The following SRSF6 variants were observed in gnomAD, a reference collection of about 807,000 sequenced individuals.
SRSF6 encodes serine and arginine rich splicing factor 6.
A neutral mutation model predicts 42.0 loss-of-function variants in SRSF6; 17 were observed. The ratio of observed to expected loss-of-function variants is 0.40; its 90% CI spans 0.28 to 0.61. The LOEUF is 0.61. SRSF6 is among the 20% of genes least tolerant of loss of function. SRSF6 has a pLI of 0.37. For missense variants in SRSF6, 379 were observed against 471.4 expected, an observed-to-expected ratio of 0.80 and a Z score of 1.81; for synonymous variants, 204 against 166.7, an observed-to-expected ratio of 1.22 and a Z score of -1.72.
chr20:43,460,250 T>C lies in SRSF6; in HGVS notation c.590+9T>C, dbSNP rs779582552. 12 of 1,613,728 alleles carry C rather than the reference T, an allele frequency of 7.4e-6. No homozygotes were observed. The East Asian group carries it at 2.7e-4, about 36-fold the overall frequency. The stretch of plus-strand genomic sequence containing the variant: ...TCTGGAAGCAGATCCAGGTAACTTG[T>C]TGAAGGACACTGTGGGAAGGAAACA... On this transcript the variant is annotated intron_variant, in intron 4 of 5. Coordinates refer to ENST00000244020, the MANE Select transcript of SRSF6 (RefSeq NM_006275.6).
chr20:43,464,152 G>A lies in SRSF6; in HGVS notation c.*3089G>A, dbSNP rs2017648666. 1 of 152,160 alleles carries A rather than the reference G, an allele frequency of 6.6e-6. No individual in the cohort carries two copies. The highest frequency in any genetic ancestry group is 1.5e-5 in the Non-Finnish European group (1 of 68,034). 9.4% of individuals were successfully genotyped at this position (152,160 alleles called of 1,614,324 possible). A position where few individuals can be genotyped will look rare whatever the true frequency, so the allele number is the denominator to read the frequency against. ...GATAAATTTTTTTTCAGAACCAACA[G>A]TGTGAATAATCCTTTCAGTTGTCTA... On this transcript the variant is annotated 3_prime_UTR_variant, in exon 6 of 6. Transcript: ENST00000244020.
chr20:43,461,068 G>A lies in SRSF6; in HGVS notation c.*5G>A. 3 of 1,555,874 alleles carry A rather than the reference G, an allele frequency of 1.9e-6. No individual in the cohort carries two copies. The highest frequency in any genetic ancestry group is 2.6e-6 in the Non-Finnish European group (3 of 1,153,570). ...AGGTCGAGTTCCAGAGATTAACTCAGAACTCCTTGTTTGCACATTATTATG... is the reference window on the plus strand; with the variant it reads ...AGGTCGAGTTCCAGAGATTAACTCAAAACTCCTTGTTTGCACATTATTATG... On this transcript the variant is annotated 3_prime_UTR_variant, in exon 6 of 6. Transcript: ENST00000244020.
Position 43,464,039 on chromosome 20 carries a change from C to G in SRSF6, c.*2976C>G, listed in dbSNP as rs2017647140. 6.6e-6 allele frequency: 1 copy of G among 152,166 alleles called. No homozygotes were observed. Among genetic ancestry groups the G allele is most frequent in the African/African-American group, 2.4e-5 (1 of 41,438 alleles). 9.4% of individuals were successfully genotyped at this position (152,166 alleles called of 1,614,324 possible). A position where few individuals can be genotyped will look rare whatever the true frequency, so the allele number is the denominator to read the frequency against. On this transcript the variant is annotated 3_prime_UTR_variant, in exon 6 of 6. Coordinates refer to ENST00000244020, the MANE Select transcript of SRSF6 (RefSeq NM_006275.6). ...TTTTTAGGTTTTCAGTGTTCATGCC[C>G]TGAGTAGTAGTCTGCAGTTTGCTTT...
intron 2 of SRSF6, 131 bp from the exon 3 acceptor site, chr20:43,459,640 C>G (rs553200013): frequency 1.1e-3 from 1,645 of 1,445,130 alleles, no homozygotes; most frequent in Non-Finnish European, 1.5e-3. Flanking sequence ...ACAAATGTGT[C>G]GAAGGTTTAG....
rs890258309 is a variant in SRSF6 at position 43,463,497 on chromosome 20, G to A, written c.*2434G>A. 5 of 152,994 alleles carry A rather than the reference G, an allele frequency of 3.3e-5. No homozygotes were observed. The highest frequency in any genetic ancestry group is 1.2e-4 in the African/African-American group (5 of 41,460). The allele number at this position is 152,994 out of a possible 1,614,324, so 9.5% of individuals were successfully genotyped here. ...CGTAGTGCCTTTATGGCCAGTTTGA[G>A]TCCTGCCTACTTTGACTTTTACGTT... is the stretch of plus-strand genomic sequence containing the variant. On this transcript the variant is annotated 3_prime_UTR_variant, in exon 6 of 6. Coordinates refer to ENST00000244020, the MANE Select transcript of SRSF6 (RefSeq NM_006275.6).
At chr20:43,458,604 G>A (rs2017538493) in intron 2 of SRSF6, 95 bp downstream of exon 2, 3 of 1,281,722 alleles carry the variant, frequency 2.3e-6, no homozygotes, top group Middle Eastern at 2.8e-4. Context: ...CGCGAGGGCC[G>A]GGGGTCGTTT....
At chr20:43,460,413 G>GAACAGTGTATTTAATTTAA in intron 4 of SRSF6, 102 bp from the exon 5 acceptor site, 1 of 1,407,158 alleles carries the variant, frequency 7.1e-7, no homozygotes, top group Non-Finnish European at 9.9e-7. Context: ...TAATTTCGTA[G>GAACAGTGTATTTAATTTAA]TAAAGAAAAA....
In SRSF6 at chr20:43,461,339, T is replaced by TG. The variant is rs60101476; in HGVS notation, c.*276_*277insG. 8 of 18,142 alleles carry TG rather than the reference T, an allele frequency of 4.4e-4. No individual in the cohort carries two copies. Among genetic ancestry groups the TG allele is most frequent in the East Asian group, 8.5e-4 (1 of 1,178 alleles). The allele number at this position is 18,142 out of a possible 1,614,324, so 1.1% of individuals were successfully genotyped here. ...AAAGATTAAGCTCATTTAGTGTTGTTTTTTTTTTTTTTTTTTTTTTTTTTT... is the reference window on the plus strand; with the variant it reads ...AAAGATTAAGCTCATTTAGTGTTGTTGTTTTTTTTTTTTTTTTTTTTTTTTT... On this transcript the variant is annotated 3_prime_UTR_variant, in exon 6 of 6. Transcript: ENST00000244020.
intron 2 of SRSF6, among the ~76,000 whole-genome samples, chr20:43,458,820 T>C (rs2017541924): frequency 6.9e-6 from 1 of 144,862 alleles, no homozygotes; most frequent in African/African-American, 2.6e-5. Flanking sequence ...GTATTCTCCT[T>C]ACTTACCTAT....
chr20:43,460,708 G>A lies in SRSF6; in HGVS notation c.680G>A (p.Arg227Lys). 6.2e-7 allele frequency: 1 copy of A among 1,613,214 alleles called. No homozygotes were observed. Residue 227 changes from arginine to lysine, a missense_variant, in exon 6 of 6, where the codon AGG (arginine) becomes AAG (lysine). By Grantham distance (26) the Arg-to-Lys change is conservative. This residue lies in a region of SRSF6 where 219 missense variants were observed against 216.1 expected (regional missense o/e 1.01). Coordinates refer to ENST00000244020, the MANE Select transcript of SRSF6 (RefSeq NM_006275.6). The part of the protein sequence containing the change: ...RSISKSRSRS[R>K]SRSKGRSRSR... ...ATCGGTCTTTCCTTGTCCAGTTCCAGGTCGCGGAGCAAAGGTCGATCACGT... is the reference window on the plus strand; with the variant it reads ...ATCGGTCTTTCCTTGTCCAGTTCCAAGTCGCGGAGCAAAGGTCGATCACGT...
At chr20:43,459,352 T>A in intron 2 of SRSF6, 2 of 1,351,708 alleles carry the variant, frequency 1.5e-6, no homozygotes. Context: ...AACTGGTTAA[T>A]CTGAACTAGG....
intron 2 of SRSF6, chr20:43,459,167 G>C (rs1568899874): frequency 7.4e-7 from 1 of 1,352,160 alleles, no homozygotes; most frequent in South Asian, 1.1e-5. Flanking sequence ...CAATGGGGCT[G>C]AGGCTGTGTC....
Position 43,461,808 on chromosome 20 carries a change from CT to C in SRSF6, c.*749del, listed in dbSNP as rs2017605740. On this transcript the variant is annotated 3_prime_UTR_variant, in exon 6 of 6. Transcript: ENST00000244020. ...TTCCATGATTTTGCTTAAATTAATACTTTTAAGTAATGGAACTTTTTTCAAA... is the reference window on the plus strand; with the variant it reads ...TTCCATGATTTTGCTTAAATTAATACTTTAAGTAATGGAACTTTTTTCAAA... The C allele has an allele frequency of 6.6e-6, 1 of 152,464 alleles. No individual in the cohort carries two copies. The highest frequency in any genetic ancestry group is 1.5e-5 in the Non-Finnish European group (1 of 68,006). 9.4% of individuals were successfully genotyped at this position (152,464 alleles called of 1,614,324 possible). A position where few individuals can be genotyped will look rare whatever the true frequency, so the allele number is the denominator to read the frequency against.
intron 4 of SRSF6, 130 bp from the exon 5 acceptor site, chr20:43,460,385 T>C: frequency 8.1e-7 from 1 of 1,231,640 alleles, no homozygotes; most frequent in Non-Finnish European, 1.1e-6. Flanking sequence ...CTTTTCTGGA[T>C]GTTTTGAACA....
rs528531508 is a variant in SRSF6, at chr20:43,462,909, C to G, written c.*1846C>G. On this transcript the variant is annotated 3_prime_UTR_variant, in exon 6 of 6. Coordinates refer to ENST00000244020, the MANE Select transcript of SRSF6 (RefSeq NM_006275.6). Reference sequence around the variant, plus strand: ...GAAAATGATGTCTGTTGTTATAGTTCATTGTTTTGCCTACTCAGCAGAAGT... The same window carrying G: ...GAAAATGATGTCTGTTGTTATAGTTGATTGTTTTGCCTACTCAGCAGAAGT... 6.7e-6 allele frequency: 1 copy of G among 149,900 alleles called. No individual in the cohort carries two copies. The highest frequency in any genetic ancestry group is 2.1e-4 in the South Asian group (1 of 4,784). 9.3% of individuals were successfully genotyped at this position (149,900 alleles called of 1,614,324 possible). A position where few individuals can be genotyped will look rare whatever the true frequency, so the allele number is the denominator to read the frequency against.
chr20:43,461,706 TAATC>T lies in SRSF6; in HGVS notation c.*646_*649del, dbSNP rs1315465390. On this transcript the variant is annotated 3_prime_UTR_variant, in exon 6 of 6. Coordinates refer to ENST00000244020, the MANE Select transcript of SRSF6 (RefSeq NM_006275.6). ...TTTGGATAACATTATTTTGTGCAGT[TAATC>T]AAATTTGCCAAAGTCTTTATCTGCC... 6.6e-6 allele frequency: 1 copy of T among 152,644 alleles called. No individual in the cohort carries two copies. Among genetic ancestry groups the T allele is most frequent in the Non-Finnish European group, 1.5e-5 (1 of 68,030 alleles). 9.5% of individuals were successfully genotyped at this position (152,644 alleles called of 1,614,324 possible). A position where few individuals can be genotyped will look rare whatever the true frequency, so the allele number is the denominator to read the frequency against.
At chr20:43,459,976 T>G (rs2017557228) in intron 3 of SRSF6, 57 bp from the exon 4 acceptor site, 1 of 1,606,152 alleles carries the variant, frequency 6.2e-7, no homozygotes, top group East Asian at 2.2e-5. Context: ...TTCTGGGAAT[T>G]TATTATGGTA....
In SRSF6 at chr20:43,460,133, G is replaced by A. The variant is rs1291692406; in HGVS notation, c.482G>A (p.Arg161His). Residue 161 changes from arginine (R) to histidine (H), a missense_variant, in exon 4 of 6, where the codon CGT (arginine) becomes CAT (histidine). By Grantham distance (29) the Arg-to-His change is conservative. Coordinates refer to ENST00000244020, the MANE Select transcript of SRSF6 (RefSeq NM_006275.6). ...TTTCGCTCCTACTCTGACATGAAGCGTGCTTTGGACAAACTGGATGGCACA... is the reference window on the plus strand; with the variant it reads ...TTTCGCTCCTACTCTGACATGAAGCATGCTTTGGACAAACTGGATGGCACA... ...IEFRSYSDMK[R>H]ALDKLDGTEI... 26 of 1,614,210 alleles carry A rather than the reference G, an allele frequency of 1.6e-5. No individual in the cohort carries two copies. Among genetic ancestry groups the A allele is most frequent in the South Asian group, 2.2e-5 (2 of 91,086 alleles).
intron 2 of SRSF6, 71 bp downstream of exon 2, chr20:43,458,580 C>T (rs1271344648): frequency 7.2e-7 from 1 of 1,387,478 alleles, no homozygotes; most frequent in East Asian, 3.1e-5. Context: ...GTGGGGCCTC[C>T]CAGCCCGGGC....
Sources: allele counts gnomAD v4.1 joint callset (sites outside exome capture counted in the v4.1 genomes callset), GRCh38; gene constraint gnomAD v4.1.1; regional missense constraint gnomAD v4.1.1; transcripts MANE v1.5; gene names NCBI Gene and HGNC (gene_info 2026-07-23, HGNC 2026-07-21).